The following JHY variants were observed in gnomAD, a reference collection of about 807,000 sequenced individuals.
JHY encodes the protein junctional cadherin complex regulator, also known as jhy protein homolog.
A neutral mutation model predicts 78.0 loss-of-function variants in JHY; 69 were observed. The observed-to-expected ratio is 0.88, with a 90% CI of 0.73 to 1.08. The LOEUF (loss-of-function observed/expected upper bound fraction) is 1.08. Ranked by LOEUF, JHY falls within the 50% of genes least tolerant of loss-of-function variation. The pLI is 0.00. For synonymous variants in JHY, 368 were observed against 342.6 expected, an observed-to-expected ratio of 1.07 and a Z score of -0.82; for missense variants, 944 against 927.8, an observed-to-expected ratio of 1.02 and a Z score of -0.23.
At chr11:122,940,946 T>C (rs1221904048) in intron 5 of JHY, among the ~76,000 whole-genome samples, 1 of 152,124 alleles carries the variant, frequency 6.6e-6, no homozygotes, top group Non-Finnish European at 1.5e-5. Context: ...ATCATTATAC[T>C]GTATATGTTC....
At chr11:122,941,055 G>A (rs1414373238) in intron 5 of JHY, among the ~76,000 whole-genome samples, 1 of 152,034 alleles carries the variant, frequency 6.6e-6, no homozygotes, top group African/African-American at 2.4e-5. Flanking sequence ...TTGTTTTCTG[G>A]CATAGTAATA....
At chr11:122,952,592 G>C (rs537413391) in intron 6 of JHY, among the ~76,000 whole-genome samples, 21 of 152,246 alleles carry the variant, frequency 1.4e-4, no homozygotes, top group Admixed American at 7.2e-4. Flanking sequence ...CTAGACCCTG[G>C]CTCTGGTTTT....
chr11:122,909,082 A>C (rs1482301788), intron 3 of JHY, among the ~76,000 whole-genome samples: 1 of 152,204 alleles, frequency 6.6e-6, no homozygotes, highest in Non-Finnish European at 1.5e-5. Flanking sequence ...AAAAGTTAAC[A>C]AAGAAAAGTT....
intron 2 of JHY, among the ~76,000 whole-genome samples, chr11:122,902,181 G>T (rs1442596853): frequency 6.7e-6 from 1 of 149,442 alleles, no homozygotes; most frequent in East Asian, 2.2e-4. Context: ...TAGTGGCTGG[G>T]GACGGTGGCT....
intron 6 of JHY, among the ~76,000 whole-genome samples, chr11:122,951,444 G>T (rs997233850): frequency 6.6e-6 from 1 of 152,176 alleles, no homozygotes; most frequent in African/African-American, 2.4e-5. Flanking sequence ...CTTCTAAGAA[G>T]GGGTTTATTT....
chr11:122,918,737 T>C (rs1294640102), intron 3 of JHY, among the ~76,000 whole-genome samples: 1 of 151,356 alleles, frequency 6.6e-6, no homozygotes, highest in Non-Finnish European at 1.5e-5. Flanking sequence ...CAGATTGATA[T>C]TTTCATGCCG....
intron 3 of JHY, among the ~76,000 whole-genome samples, chr11:122,909,821 G>A (rs1045243771): frequency 5.9e-5 from 9 of 151,838 alleles, no homozygotes; most frequent in South Asian, 2.1e-4. Flanking sequence ...TGTATAGAGC[G>A]TGCTAAGATC....
rs184211693 is a variant in JHY at position 122,956,566 on chromosome 11, T to C, written c.2000T>C (p.Ile667Thr). ...LGGLGPDFES[I>T]RDKTQKLIQQ... ...GGCCTCGGACCTGACTTTGAGTCCATCAGAGACAAAGTGAGTGAGATGCAC... is the reference window on the plus strand; with the variant it reads ...GGCCTCGGACCTGACTTTGAGTCCACCAGAGACAAAGTGAGTGAGATGCAC... The change falls in exon 7 of 9, where the codon ATC becomes ACC. Residue 667 changes from isoleucine (I) to threonine (T), a missense_variant. Transcript: ENST00000227349. 737 of 1,613,238 alleles carry C rather than the reference T, an allele frequency of 4.6e-4. 2 individuals carry two copies. Among genetic ancestry groups the C allele is most frequent in the Middle Eastern group, 1.7e-3 (10 of 6,056 alleles).
intron 1 of JHY, among the ~76,000 whole-genome samples, chr11:122,884,685 T>G (rs1454885893): frequency 6.6e-6 from 1 of 152,146 alleles, no homozygotes; most frequent in Admixed American, 6.5e-5. Context: ...CAGGCCAATC[T>G]CCCACCCACT....
chr11:122,926,990 A>C (rs892320918), intron 4 of JHY: 2 of 152,230 alleles, frequency 1.3e-5, no homozygotes, highest in Admixed American at 6.5e-5. Flanking sequence ...TCACTAAGGA[A>C]AGCCATAGGA....
chr11:122,944,613 T>C (rs1437018160), intron 5 of JHY, among the ~76,000 whole-genome samples: 2 of 152,220 alleles, frequency 1.3e-5, no homozygotes, highest in Non-Finnish European at 2.9e-5. Context: ...TATTATGAGT[T>C]AATACTGTAT....
intron 5 of JHY, among the ~76,000 whole-genome samples, chr11:122,943,344 T>G (rs893149659): frequency 6.6e-6 from 1 of 152,258 alleles, no homozygotes; most frequent in African/African-American, 2.4e-5. Context: ...ACCAAGTTTT[T>G]GATATTTTTT....
At chr11:122,888,603 C>A (rs1032542480) in intron 2 of JHY, among the ~76,000 whole-genome samples, 6 of 151,682 alleles carry the variant, frequency 4.0e-5, no homozygotes, top group South Asian at 4.2e-4. Context: ...TACAGTATAA[C>A]CCTTACTGCC....
At chr11:122,943,719 CTTCT>C (rs1863915769) in intron 5 of JHY, among the ~76,000 whole-genome samples, 2 of 152,104 alleles carry the variant, frequency 1.3e-5, no homozygotes. Flanking sequence ...CCTAATAATG[CTTCT>C]TTCTTAAAGT....
intron 8 of JHY, 84 bp downstream of exon 8, chr11:122,957,575 A>G: frequency 9.0e-7 from 1 of 1,107,850 alleles, no homozygotes; most frequent in Non-Finnish European, 1.2e-6. Flanking sequence ...TTTTTTTTTA[A>G]TTAGCCACAG....
intron 3 of JHY, among the ~76,000 whole-genome samples, chr11:122,911,572 A>T (rs1378143464): frequency 6.6e-6 from 1 of 152,218 alleles, no homozygotes; most frequent in Non-Finnish European, 1.5e-5. Context: ...AATTTCAGAT[A>T]CTGATAATAC....
At chr11:122,916,632 G>GT (rs1863240223) in intron 3 of JHY, among the ~76,000 whole-genome samples, 1 of 152,018 alleles carries the variant, frequency 6.6e-6, no homozygotes, top group African/African-American at 2.4e-5. Flanking sequence ...TTTGTTGTTT[G>GT]TTTTTTGTTG....
At chr11:122,919,953 T>A (rs540167522) in intron 3 of JHY, among the ~76,000 whole-genome samples, 66 of 152,270 alleles carry the variant, frequency 4.3e-4, no homozygotes, top group Non-Finnish European at 7.5e-4. Flanking sequence ...ATATTTCATG[T>A]CTTTTGCCTC....
At chr11:122,895,649 G>A (rs1479717284) in intron 2 of JHY, among the ~76,000 whole-genome samples, 1 of 152,202 alleles carries the variant, frequency 6.6e-6, no homozygotes, top group Admixed American at 6.5e-5. Flanking sequence ...CATCTGAAGA[G>A]CAGACTCTGC....
Sources: allele counts gnomAD v4.1 joint callset (sites outside exome capture counted in the v4.1 genomes callset), GRCh38; gene constraint gnomAD v4.1.1; transcripts MANE v1.5; gene names NCBI Gene and HGNC (gene_info 2026-07-23, HGNC 2026-07-21).